Variants in BTBD9 observed in about 807,000 individuals in gnomAD.
The protein encoded by BTBD9 is BTB domain containing 9.
BTBD9 carries 49 observed loss-of-function variants against 64.3 expected under a neutral mutation model. The ratio of observed to expected loss-of-function variants is 0.76; its 90% confidence interval spans 0.61 to 0.97. The LOEUF is 0.97. Ranked by LOEUF, BTBD9 falls within the 50% of genes least tolerant of loss-of-function variation. BTBD9 has a pLI of 0.00. For synonymous variants in BTBD9, 260 were observed against 274.7 expected (o/e 0.95, Z 0.53); for missense variants, 598 against 762.1 (o/e 0.78, Z 2.53).
At chr6:38,566,607 T>G (rs1001506232) in intron 6 of BTBD9, among the ~76,000 whole-genome samples, 1 of 152,182 alleles carries the variant, frequency 6.6e-6, no homozygotes, top group Non-Finnish European at 1.5e-5. Flanking sequence ...CAAAGAAAAG[T>G]GTTTAATCGA....
At chr6:38,268,207 C>A (rs1765080568) in intron 8 of BTBD9, among the ~76,000 whole-genome samples, 1 of 152,224 alleles carries the variant, frequency 6.6e-6, no homozygotes, top group South Asian at 2.1e-4. Flanking sequence ...AATATCCATT[C>A]TGACTGCTAT....
intron 6 of BTBD9, among the ~76,000 whole-genome samples, chr6:38,519,627 G>T (rs1474356961): frequency 6.6e-6 from 1 of 152,196 alleles, no homozygotes; most frequent in Non-Finnish European, 1.5e-5. Flanking sequence ...CACTCTGCTG[G>T]CAGTGCTGTG....
Position 38,180,809 on chromosome 6 carries a change from T to G in BTBD9, c.1642-5627A>C, listed in dbSNP as rs1385111081. Reference sequence around the variant, plus strand: ...GGCGCCTTCGCTGAACCGTCTTCAATGGCCTCTGGATCTCTCCCCTGAGAG... The same window carrying G: ...GGCGCCTTCGCTGAACCGTCTTCAAGGGCCTCTGGATCTCTCCCCTGAGAG... On this transcript the variant is annotated intron_variant, in intron 10 of 10. Transcript: ENST00000481247. 2.0e-5 allele frequency among the ~76,000 whole-genome samples: 3 copies of G among 152,252 alleles called. No homozygotes were observed. The East Asian group carries it at 5.8e-4, about 29-fold the overall frequency.
intron 6 of BTBD9, among the ~76,000 whole-genome samples, chr6:38,346,856 C>T (rs1414193569): frequency 6.6e-6 from 1 of 152,156 alleles, no homozygotes; most frequent in African/African-American, 2.4e-5. Context: ...GTGCTGCTGT[C>T]TGCAACCTTG....
rs1464090054 is a variant in BTBD9, at chr6:38,595,890, C to T, written c.186-1563G>A. On this transcript the variant is annotated intron_variant, in intron 2 of 10. Transcript: ENST00000481247. ...GAACTTCTCCTTCTCGGGGAGACCTCAAGACTTATCCCCAATCCTGTATGA... is the reference window on the plus strand; with the variant it reads ...GAACTTCTCCTTCTCGGGGAGACCTTAAGACTTATCCCCAATCCTGTATGA... 5 of 985,280 alleles carry T rather than the reference C, an allele frequency of 5.1e-6. No individual in the cohort carries two copies. In the African/African-American group the frequency reaches 8.7e-5, roughly 17 times the overall value. 61.0% of individuals were successfully genotyped at this position (985,280 alleles called of 1,614,324 possible).
intron 7 of BTBD9, among the ~76,000 whole-genome samples, chr6:38,302,487 A>ATGTGTG (rs551031528): frequency 0.018 from 380 of 20,846 alleles, 9 homozygotes; most frequent in African/African-American, 0.053. Context: ...GTGTGTATGT[A>ATGTGTG]TATATATATA....
rs959055793 is a variant in BTBD9, at chr6:38,498,102, C to A, written c.1154+79498G>T. Among the ~76,000 whole-genome samples the A allele has an allele frequency of 1.3e-4, 20 of 152,180 alleles. No individual in the cohort carries two copies. In the East Asian group the frequency reaches 2.3e-3, roughly 18 times the overall value. On this transcript the variant is annotated intron_variant, in intron 6 of 10. Coordinates refer to ENST00000481247, the MANE Select transcript of BTBD9 (RefSeq NM_001099272.2). The stretch of plus-strand genomic sequence containing the variant: ...AAGAATTTCCAGCACAACCAACATC[C>A]AAGTGATTCCCAACAAATTATCAGA...
At chr6:38,634,451 C>T (rs1055333246) in intron 1 of BTBD9, among the ~76,000 whole-genome samples, 2 of 152,104 alleles carry the variant, frequency 1.3e-5, no homozygotes, top group East Asian at 1.9e-4. Context: ...TGTAAACTTC[C>T]CAGGAACAGG....
intron 6 of BTBD9, among the ~76,000 whole-genome samples, chr6:38,556,656 T>C (rs911050359): frequency 6.6e-6 from 1 of 150,652 alleles, no homozygotes; most frequent in African/African-American, 2.4e-5. Context: ...CTTTGAAGCC[T>C]CACACACAAA....
chr6:38,494,428 C>CAAGAA (rs1771851213), intron 6 of BTBD9, among the ~76,000 whole-genome samples: 1 of 152,206 alleles, frequency 6.6e-6, no homozygotes, highest in South Asian at 2.1e-4. Context: ...ACACAGACAA[C>CAAGAA]TGCAATGAGA....
At chr6:38,217,645 A>G (rs1439696362) in intron 9 of BTBD9, among the ~76,000 whole-genome samples, 1 of 151,408 alleles carries the variant, frequency 6.6e-6, no homozygotes, top group East Asian at 1.9e-4. Flanking sequence ...GAATCACAAC[A>G]TCTGGGTTTG....
At chr6:38,552,296 A>G (rs1303193526) in intron 6 of BTBD9, among the ~76,000 whole-genome samples, 2 of 152,194 alleles carry the variant, frequency 1.3e-5, no homozygotes, top group Non-Finnish European at 2.9e-5. Flanking sequence ...AGAGAACAAG[A>G]ATGAGACACA....
chr6:38,269,419 T>C (rs898194261), intron 8 of BTBD9, among the ~76,000 whole-genome samples: 2 of 152,244 alleles, frequency 1.3e-5, no homozygotes, highest in Non-Finnish European at 2.9e-5. Flanking sequence ...TGCAATTCTT[T>C]TGATCACTGG....
intron 6 of BTBD9, among the ~76,000 whole-genome samples, chr6:38,559,857 G>A (rs991414916): frequency 6.6e-6 from 1 of 152,056 alleles, no homozygotes; most frequent in Non-Finnish European, 1.5e-5. Flanking sequence ...AACAGTGCTG[G>A]GATAACTGGC....
Position 38,260,272 on chromosome 6 carries a change from TA to T in BTBD9, c.1455-3757del, listed in dbSNP as rs531859033. Among the ~76,000 whole-genome samples the T allele has an allele frequency of 1.8e-3, 271 of 152,378 alleles. 1 individual carries two copies. The highest frequency in any genetic ancestry group is 6.3e-3 in the African/African-American group (261 of 41,590). The stretch of plus-strand genomic sequence containing the variant: ...AACTAGGGGAAAACTTCAAATCAAT[TA>T]ATCATTCTCTTCATTTAACAGTTCT... On this transcript the variant is annotated intron_variant, in intron 8 of 10. Transcript: ENST00000481247.
chr6:38,540,799 G>A (rs374335466), intron 6 of BTBD9, among the ~76,000 whole-genome samples: 1 of 152,164 alleles, frequency 6.6e-6, no homozygotes, highest in Admixed American at 6.5e-5. Flanking sequence ...CACTGGAAGC[G>A]AATGTTAAGA....
intron 8 of BTBD9, among the ~76,000 whole-genome samples, chr6:38,270,909 T>C (rs1413735682): frequency 6.6e-6 from 1 of 152,108 alleles, no homozygotes; most frequent in Non-Finnish European, 1.5e-5. Context: ...CACAACTGTA[T>C]CCTCTCAGAT....
At chr6:38,288,228 T>C in intron 8 of BTBD9, 44 bp downstream of exon 8, 5 of 1,557,498 alleles carry the variant, frequency 3.2e-6, no homozygotes, top group Non-Finnish European at 3.5e-6. Context: ...TCTATATGTG[T>C]ATCTTCCATT....
chr6:38,290,484 G>A (rs1326958067), intron 7 of BTBD9, among the ~76,000 whole-genome samples: 1 of 152,028 alleles, frequency 6.6e-6, no homozygotes, highest in Non-Finnish European at 1.5e-5. Context: ...AGGTTATGCT[G>A]CAGCAACTGA....
Sources: allele counts gnomAD v4.1 joint callset (sites outside exome capture counted in the v4.1 genomes callset), GRCh38; gene constraint gnomAD v4.1.1; transcripts MANE v1.5; gene names NCBI Gene and HGNC (gene_info 2026-07-23, HGNC 2026-07-21).